The following SEMA5B variants were observed in gnomAD, a reference collection of about 807,000 sequenced individuals.
The protein encoded by SEMA5B is semaphorin 5B, also known as semaphorin-5B.
SEMA5B carries 66 observed loss-of-function variants against 135.0 expected under a neutral mutation model. That is an observed-to-expected ratio of 0.49 (90% confidence interval 0.40 to 0.60). The LOEUF is 0.60. Among genes scored for constraint, SEMA5B ranks in the 20% least tolerant of loss-of-function variants. The probability of loss-of-function intolerance (pLI) is 0.00; values close to 1 mark genes in which losing one functional copy is unlikely to be tolerated. For missense variants in SEMA5B, 1,501 were observed against 1,566.3 expected (o/e 0.96, Z 0.70); for synonymous variants, 690 against 639.5 (o/e 1.08, Z -1.19).
At chr3:122,934,201 C>T in intron 5 of SEMA5B, among the ~76,000 whole-genome samples, 1 of 151,764 alleles carries the variant, frequency 6.6e-6, no homozygotes. Context: ...GCCACCGTGC[C>T]CGGCCCAAAA....
At position 122,915,962 on chromosome 3, in the gene SEMA5B, G is replaced by A. The variant is rs1239899682; in HGVS notation, c.1689-72C>T. 6 of 1,093,270 alleles carry A rather than the reference G, an allele frequency of 5.5e-6. No individual in the cohort carries two copies. In the African/African-American group the frequency reaches 9.3e-5, roughly 17 times the overall value. The allele number at this position is 1,093,270 out of a possible 1,614,324, so 67.7% of individuals were successfully genotyped here. ...TCACCTGCATCTCAGGAACACACGT[G>A]AACACTCCCCTCTGTGCACCACTTT... On this transcript the variant is annotated intron_variant, in intron 12 of 22. Coordinates refer to ENST00000357599, the MANE Select transcript of SEMA5B (RefSeq NM_001031702.4).
chr3:122,937,749 C>T (rs142922921), intron 5 of SEMA5B, among the ~76,000 whole-genome samples: 411 of 152,320 alleles, frequency 2.7e-3, no homozygotes, highest in Non-Finnish European at 5.2e-3. Flanking sequence ...TCATCAAGCG[C>T]AGTCTTAACA....
intron 14 of SEMA5B, among the ~76,000 whole-genome samples, chr3:122,915,165 G>A (rs1937999231): frequency 1.3e-5 from 2 of 152,178 alleles, no homozygotes; most frequent in Non-Finnish European, 2.9e-5. Flanking sequence ...ACTTACTGAG[G>A]CACGCTTTTG....
intron 1 of SEMA5B, chr3:122,976,203 T>G: frequency 6.7e-7 from 1 of 1,492,000 alleles, no homozygotes; most frequent in East Asian, 2.5e-5. Context: ...AATGTGCTCC[T>G]AGGACCAGCA....
intron 1 of SEMA5B, chr3:122,992,788 T>C (rs1941918126): frequency 6.6e-6 from 1 of 152,314 alleles, no homozygotes; most frequent in East Asian, 1.9e-4. Context: ...TACTCACCCG[T>C]AGCAGCTCAG....
intron 4 of SEMA5B, among the ~76,000 whole-genome samples, chr3:122,942,761 C>A (rs762109688): frequency 6.6e-6 from 1 of 152,108 alleles, no homozygotes; most frequent in Non-Finnish European, 1.5e-5. Flanking sequence ...TGAGAAGGAC[C>A]CAAGAATCTG....
chr3:122,970,755 G>C (rs553193979), intron 1 of SEMA5B, among the ~76,000 whole-genome samples: 2 of 152,352 alleles, frequency 1.3e-5, no homozygotes, highest in South Asian at 2.1e-4. Flanking sequence ...AGATGTTCAT[G>C]ACTTGCCCAA....
At chr3:122,969,493 T>C (rs989653623) in intron 1 of SEMA5B, among the ~76,000 whole-genome samples, 1 of 152,164 alleles carries the variant, frequency 6.6e-6, no homozygotes, top group African/African-American at 2.4e-5. Flanking sequence ...CCTGGATGCA[T>C]TTTCTTTCTC....
chr3:122,949,236 T>A (rs2107555020), intron 2 of SEMA5B, among the ~76,000 whole-genome samples: 1 of 152,312 alleles, frequency 6.6e-6, no homozygotes, highest in South Asian at 2.1e-4. Context: ...TAAATTTGAC[T>A]ACATTAAAAA....
Position 122,910,228 on chromosome 3 carries a change from G to T in SEMA5B, c.3371C>A (p.Thr1124Lys). 1 of 1,614,198 alleles carries T rather than the reference G, an allele frequency of 6.2e-7. No homozygotes were observed. The highest frequency in any genetic ancestry group is 8.5e-7 in the Non-Finnish European group (1 of 1,180,020). The part of the protein sequence containing the change: ...FYPLQQTNVY[T>K]TTYYPSPLNK... ...CAGGGGGCTTGGGTAGTAAGTAGTC[G>T]TGTACACATTGGTCTGCTGCAATGG... Residue 1124 changes from threonine (T) to lysine (K), a missense_variant, in exon 23 of 23, where the codon ACG becomes AAG. Thr to Lys is a moderately conservative substitution (Grantham distance 78, BLOSUM62 -1). Around this residue, in one of 2 missense-constraint regions of SEMA5B, gnomAD observed 927 missense variants for 881.6 expected, o/e 1.05. Coordinates refer to ENST00000357599, the MANE Select transcript of SEMA5B (RefSeq NM_001031702.4).
intron 1 of SEMA5B, among the ~76,000 whole-genome samples, chr3:122,991,882 G>A (rs1469463425): frequency 6.6e-6 from 1 of 152,162 alleles, no homozygotes; most frequent in African/African-American, 2.4e-5. Context: ...TATCACAAAG[G>A]AGAGAAAACA....
At position 123,003,484 on chromosome 3, in the gene SEMA5B, C is replaced by T. The variant is rs80203220; in HGVS notation, c.-39+23980G>A. ...TCAGGTTCTTTCCATCTCTGCCAGC[C>T]GCTAAAATTCCACATCCTGCCATTC... On this transcript the variant is annotated intron_variant, in intron 1 of 22. Coordinates refer to ENST00000357599, the MANE Select transcript of SEMA5B (RefSeq NM_001031702.4). 4.8e-3 allele frequency among the ~76,000 whole-genome samples: 735 copies of T among 152,176 alleles called. 5 individuals are homozygous for T. The highest frequency in any genetic ancestry group is 8.0e-3 in the Non-Finnish European group (545 of 68,014).
intron 1 of SEMA5B, among the ~76,000 whole-genome samples, chr3:122,991,840 G>A (rs1170013665): frequency 1.3e-5 from 2 of 152,178 alleles, no homozygotes; most frequent in Non-Finnish European, 2.9e-5. Flanking sequence ...CTCATGGTAT[G>A]AGACTTAGGG....
intron 1 of SEMA5B, among the ~76,000 whole-genome samples, chr3:122,991,838 A>G (rs1395000938): frequency 6.6e-6 from 1 of 152,156 alleles, no homozygotes; most frequent in Non-Finnish European, 1.5e-5. Context: ...TACTCATGGT[A>G]TGAGACTTAG....
At chr3:123,016,498 T>C (rs925957820) in intron 1 of SEMA5B, among the ~76,000 whole-genome samples, 1 of 152,268 alleles carries the variant, frequency 6.6e-6, no homozygotes, top group Non-Finnish European at 1.5e-5. Context: ...ATAGTTGTTA[T>C]ACTGTGTTGT....
chr3:122,917,509 T>A (rs1477344231), intron 12 of SEMA5B, among the ~76,000 whole-genome samples: 3 of 152,124 alleles, frequency 2.0e-5, no homozygotes, highest in African/African-American at 7.2e-5. Flanking sequence ...GAGAGTAACC[T>A]GTCAGGTGAA....
At chr3:123,018,957 G>T (rs1017940467) in intron 1 of SEMA5B, among the ~76,000 whole-genome samples, 2 of 152,282 alleles carry the variant, frequency 1.3e-5, no homozygotes, top group Admixed American at 6.5e-5. Context: ...TCTAGCATGG[G>T]TTACCTGGAT....
At chr3:122,945,941 C>T (rs1341485396) in intron 3 of SEMA5B, among the ~76,000 whole-genome samples, 1 of 151,742 alleles carries the variant, frequency 6.6e-6, no homozygotes, top group South Asian at 2.1e-4. Flanking sequence ...GAGAAGGAGC[C>T]GGGCATAGCA....
chr3:122,964,735 G>A (rs1053806922), intron 1 of SEMA5B, among the ~76,000 whole-genome samples: 1 of 152,172 alleles, frequency 6.6e-6, no homozygotes, highest in Non-Finnish European at 1.5e-5. Flanking sequence ...TTGAACAAAT[G>A]TTGAGTTCTT....
Sources: allele counts gnomAD v4.1 joint callset (sites outside exome capture counted in the v4.1 genomes callset), GRCh38; gene constraint gnomAD v4.1.1; regional missense constraint gnomAD v4.1.1; transcripts MANE v1.5; gene names NCBI Gene and HGNC (gene_info 2026-07-23, HGNC 2026-07-21).